Variants in ADGRV1 observed in about 807,000 individuals in gnomAD.
ADGRV1 encodes the protein G-protein coupled receptor 98.
A neutral mutation model predicts 596.2 loss-of-function variants in ADGRV1; 359 were observed. The ratio of observed to expected loss-of-function variants is 0.60; its 90% CI spans 0.55 to 0.66. The LOEUF (loss-of-function observed/expected upper bound fraction) is 0.66, where lower values mean the gene tolerates loss of function less well. Ranked by LOEUF, ADGRV1 falls within the 30% of genes least tolerant of loss-of-function variation. The probability of loss-of-function intolerance (pLI) is 0.00; values close to 1 mark genes in which losing one functional copy is unlikely to be tolerated. For missense variants in ADGRV1, 7,274 were observed against 7,575.6 expected, an observed-to-expected ratio of 0.96 and a Z score of 1.48; for synonymous variants, 2,681 against 2,679.2, an observed-to-expected ratio of 1.00 and a Z score of -0.02.
chr5:90,766,392 T>G (rs1724365483), intron 59 of ADGRV1, among the ~76,000 whole-genome samples: 1 of 152,158 alleles, frequency 6.6e-6, no homozygotes, highest in Non-Finnish European at 1.5e-5. Context: ...CTAGTCAGTT[T>G]TCCCTTTAAG....
intron 45 of ADGRV1, among the ~76,000 whole-genome samples, chr5:90,724,307 A>AC (rs200613425): frequency 0.019 from 2,816 of 152,116 alleles, 81 homozygotes; most frequent in African/African-American, 0.065. Context: ...TCGGCTCACT[A>AC]CAACCTCCGC....
intron 21 of ADGRV1, among the ~76,000 whole-genome samples, chr5:90,664,892 C>T (rs559825910): frequency 6.6e-6 from 1 of 151,032 alleles, no homozygotes; most frequent in African/African-American, 2.4e-5. Flanking sequence ...TTGTCTTTGG[C>T]TCTGTTTATA....
intron 59 of ADGRV1, among the ~76,000 whole-genome samples, chr5:90,766,881 C>G (rs535089237): frequency 6.6e-6 from 1 of 152,218 alleles, no homozygotes; most frequent in South Asian, 2.1e-4. Flanking sequence ...GTTTCTTCCT[C>G]CTCTTTCCCT....
At chr5:90,736,032 T>G (rs924951727) in intron 50 of ADGRV1, among the ~76,000 whole-genome samples, 2 of 152,168 alleles carry the variant, frequency 1.3e-5, no homozygotes, top group Admixed American at 6.5e-5. Context: ...GTGACAATAG[T>G]GGGCATCTTT....
chr5:90,900,475 CAG>C (rs1771738210), intron 83 of ADGRV1, among the ~76,000 whole-genome samples: 1 of 151,966 alleles, frequency 6.6e-6, no homozygotes, highest in Non-Finnish European at 1.5e-5. Flanking sequence ...CTTGATACCT[CAG>C]AGTTTGTTTT....
chr5:90,880,330 C>A (rs189555971), intron 83 of ADGRV1, among the ~76,000 whole-genome samples: 16 of 152,186 alleles, frequency 1.1e-4, no homozygotes, highest in Admixed American at 4.6e-4. Context: ...ATGTCATGTA[C>A]AGTATCTGCT....
At chr5:90,963,992 A>G (rs1778243429) in intron 83 of ADGRV1, among the ~76,000 whole-genome samples, 2 of 152,008 alleles carry the variant, frequency 1.3e-5, no homozygotes, top group East Asian at 1.9e-4. Flanking sequence ...GTTAAGGTGC[A>G]TCTTTCATTG....
intron 85 of ADGRV1, among the ~76,000 whole-genome samples, chr5:91,021,347 C>A (rs190386451): frequency 2.0e-5 from 3 of 151,994 alleles, no homozygotes; most frequent in Admixed American, 6.6e-5. Context: ...ACTGTCTTTC[C>A]CTTGGTGGTA....
chr5:91,084,541 G>A (rs962284181), intron 86 of ADGRV1, among the ~76,000 whole-genome samples: 2 of 152,070 alleles, frequency 1.3e-5, no homozygotes, highest in South Asian at 2.1e-4. Context: ...ACCATCTCAC[G>A]CCAGTTAGAA....
At position 90,947,808 on chromosome 5, in the gene ADGRV1, C is replaced by T. The variant is rs143879301; in HGVS notation, c.17857-17607C>T. 5.7e-3 allele frequency among the ~76,000 whole-genome samples: 874 copies of T among 152,124 alleles called. 9 individuals carry two copies. Among genetic ancestry groups the T allele is most frequent in the Non-Finnish European group, 9.2e-3 (627 of 67,974 alleles). Reference sequence around the variant, plus strand: ...AACGAGAATCCACATGTCCTATCTCCCTATATCATCAATCATTGATGTTAT... The same window carrying T: ...AACGAGAATCCACATGTCCTATCTCTCTATATCATCAATCATTGATGTTAT... On this transcript the variant is annotated intron_variant, in intron 83 of 89. Transcript: ENST00000405460.
intron 74 of ADGRV1, among the ~76,000 whole-genome samples, chr5:90,814,699 C>T (rs1451902104): frequency 6.6e-6 from 1 of 152,104 alleles, no homozygotes; most frequent in African/African-American, 2.4e-5. Context: ...GAGGCCTCCC[C>T]AGACATGCAA....
chr5:90,563,379 T>TG (rs752457328), intron 1 of ADGRV1, among the ~76,000 whole-genome samples: 14 of 152,268 alleles, frequency 9.2e-5, no homozygotes, highest in Non-Finnish European at 1.6e-4. Context: ...TAGTTATTGT[T>TG]GCTGGTCTTA....
intron 84 of ADGRV1, among the ~76,000 whole-genome samples, chr5:90,968,024 A>G (rs1161671078): frequency 1.3e-5 from 2 of 152,200 alleles, no homozygotes; most frequent in African/African-American, 4.8e-5. Flanking sequence ...TAATTATCCA[A>G]TGAGAAGTTG....
intron 42 of ADGRV1, among the ~76,000 whole-genome samples, chr5:90,714,770 A>G (rs931214155): frequency 1.3e-5 from 2 of 151,990 alleles, no homozygotes; most frequent in African/African-American, 4.8e-5. Flanking sequence ...TTTTCTATCC[A>G]TCTACCTATC....
At chr5:90,719,900 A>G (rs1750690507) in intron 43 of ADGRV1, 148 bp from the exon 44 acceptor site, 2 of 607,430 alleles carry the variant, frequency 3.3e-6, no homozygotes, top group African/African-American at 1.8e-5. Context: ...TGTAACCATC[A>G]CATTATAGGA....
chr5:90,874,165 G>A lies in ADGRV1; in HGVS notation c.17856+10308G>A, dbSNP rs149445187. Reference sequence around the variant, plus strand: ...TGATCTCATCTTCTACCACCTCCCCGTTCACCCAGCACAGCCACAGTGGGC... The same window carrying A: ...TGATCTCATCTTCTACCACCTCCCCATTCACCCAGCACAGCCACAGTGGGC... On this transcript the variant is annotated intron_variant, in intron 83 of 89. Coordinates refer to ENST00000405460, the MANE Select transcript of ADGRV1 (RefSeq NM_032119.4). Among the ~76,000 whole-genome samples, 713 of 152,098 alleles carry A rather than the reference G, an allele frequency of 4.7e-3. 1 individual carries two copies. Among genetic ancestry groups the A allele is most frequent in the African/African-American group, 0.016 (669 of 41,486 alleles).
At chr5:90,866,713 AAT>A (rs1313467615) in intron 83 of ADGRV1, among the ~76,000 whole-genome samples, 1 of 152,076 alleles carries the variant, frequency 6.6e-6, no homozygotes, top group East Asian at 1.9e-4. Context: ...ACTGGCTTTG[AAT>A]ATATCTTTCT....
At chr5:91,087,355 G>A (rs1031100203) in intron 86 of ADGRV1, among the ~76,000 whole-genome samples, 2 of 152,040 alleles carry the variant, frequency 1.3e-5, no homozygotes, top group South Asian at 2.1e-4. Context: ...CAGTGCACTC[G>A]ACTTGATCTT....
chr5:91,107,190 T>C (rs1313430242), intron 87 of ADGRV1, among the ~76,000 whole-genome samples: 1 of 148,232 alleles, frequency 6.7e-6, no homozygotes, highest in South Asian at 2.1e-4. Flanking sequence ...AACTACAGTT[T>C]GAGAAAAAAA....
Sources: gnomAD v4.1 joint callset for allele counts (sites outside exome capture counted in the v4.1 genomes callset) on GRCh38, gnomAD v4.1.1 for gene constraint, MANE v1.5 for transcripts, NCBI Gene and HGNC (gene_info 2026-07-23, HGNC 2026-07-21) for gene names.